Variants in NFIA observed in about 807,000 individuals in gnomAD.
NFIA encodes the protein nuclear factor I A.
NFIA carries 8 observed loss-of-function variants against 62.8 expected under a neutral mutation model. That is an observed-to-expected ratio of 0.13 (90% CI 0.07 to 0.23). NFIA has a LOEUF of 0.23. NFIA is among the 10% of genes least tolerant of loss of function. The probability of loss-of-function intolerance (pLI) is 1.00; values close to 1 mark genes in which losing one functional copy is unlikely to be tolerated. For synonymous variants in NFIA, 235 were observed against 238.1 expected, an observed-to-expected ratio of 0.99 and a Z score of 0.12; for missense variants, 410 against 642.1, an observed-to-expected ratio of 0.64 and a Z score of 3.91.
intron 2 of NFIA, among the ~76,000 whole-genome samples, chr1:61,228,926 G>C (rs1367764845): frequency 6.6e-6 from 1 of 151,836 alleles, no homozygotes; most frequent in Non-Finnish European, 1.5e-5. Context: ...CAATAATCCT[G>C]AACAAAGAAA....
chr1:61,241,359 T>G (rs1655338237), intron 2 of NFIA, among the ~76,000 whole-genome samples: 2 of 152,172 alleles, frequency 1.3e-5, no homozygotes, highest in Admixed American at 1.3e-4. Flanking sequence ...GTGCAATGTA[T>G]TTAAGTTAAG....
At chr1:61,326,969 G>A (rs2100380266) in intron 3 of NFIA, among the ~76,000 whole-genome samples, 1 of 151,650 alleles carries the variant, frequency 6.6e-6, no homozygotes, top group African/African-American at 2.4e-5. Context: ...ATGGAAAGGA[G>A]TTAGTACTGT....
chr1:61,239,748 CAAT>C (rs946026571), intron 2 of NFIA, among the ~76,000 whole-genome samples: 4 of 151,996 alleles, frequency 2.6e-5, no homozygotes, highest in African/African-American at 7.2e-5. Context: ...AATATTTGAA[CAAT>C]AATATTTAAG....
In NFIA at chr1:61,382,252, G is replaced by A. The variant is rs566680691; in HGVS notation, c.947-985G>A. Among the ~76,000 whole-genome samples, 5 of 152,192 alleles carry A rather than the reference G, an allele frequency of 3.3e-5. No individual in the cohort carries two copies. In the South Asian group the frequency reaches 6.2e-4, roughly 19 times the overall value. On this transcript the variant is annotated intron_variant, in intron 6 of 10. Coordinates refer to ENST00000403491, the MANE Select transcript of NFIA (RefSeq NM_001134673.4). ...AGTTGGGTATGTCAGCGTGGTTGCC[G>A]AGAACATTACAAATCCAGTAATTAC...
At chr1:61,398,443 C>T (rs1367740722) in intron 7 of NFIA, among the ~76,000 whole-genome samples, 1 of 151,980 alleles carries the variant, frequency 6.6e-6, no homozygotes, top group Non-Finnish European at 1.5e-5. Flanking sequence ...TTAGAAAATC[C>T]CCTGAATTCA....
In NFIA at chr1:61,404,328, A is replaced by C. The variant is rs143540716; in HGVS notation, c.1254+46A>C. The C allele has an allele frequency of 3.1e-3, 4,707 of 1,524,496 alleles. 18 individuals carry two copies. The highest frequency in any genetic ancestry group is 8.6e-3 in the Middle Eastern group (49 of 5,700). The allele number at this position is 1,524,496 out of a possible 1,614,324, so 94.4% of individuals were successfully genotyped here. ...CCATTTCTTTAGAAATGTTAGCCGA[A>C]TATAAAAATAACAAGGGGAGACCTT... On this transcript the variant is annotated intron_variant, in intron 8 of 10. Coordinates refer to ENST00000403491, the MANE Select transcript of NFIA (RefSeq NM_001134673.4).
intron 2 of NFIA, among the ~76,000 whole-genome samples, chr1:61,131,865 TG>T (rs1355695727): frequency 3.9e-5 from 6 of 152,204 alleles, no homozygotes; most frequent in Non-Finnish European, 8.8e-5. Context: ...GGGAAAGCTC[TG>T]TTACTGTTAA....
chr1:61,137,695 A>G (rs895462980), intron 2 of NFIA, among the ~76,000 whole-genome samples: 1 of 152,152 alleles, frequency 6.6e-6, no homozygotes, highest in Non-Finnish European at 1.5e-5. Context: ...AACCTGCACT[A>G]AAGACCTCTG....
At chr1:61,099,031 C>A (rs746575191) in intron 2 of NFIA, among the ~76,000 whole-genome samples, 1 of 152,104 alleles carries the variant, frequency 6.6e-6, no homozygotes, top group African/African-American at 2.4e-5. Context: ...TGCCCCTGGC[C>A]CCAGAAAAGA....
chr1:61,399,180 A>G (rs1353951752), intron 7 of NFIA, among the ~76,000 whole-genome samples: 1 of 152,190 alleles, frequency 6.6e-6, no homozygotes, highest in Non-Finnish European at 1.5e-5. Context: ...TAACAGAGAA[A>G]AACTGTTTGG....
At chr1:61,422,822 A>G (rs1298851598) in intron 9 of NFIA, among the ~76,000 whole-genome samples, 1 of 151,250 alleles carries the variant, frequency 6.6e-6, no homozygotes. Flanking sequence ...CCTCATGTCC[A>G]TGTACCCCAC....
At chr1:61,171,573 G>A (rs1570309872) in intron 2 of NFIA, among the ~76,000 whole-genome samples, 1 of 152,192 alleles carries the variant, frequency 6.6e-6, no homozygotes, top group East Asian at 1.9e-4. Context: ...GAGAAGAGGA[G>A]AAGTTTCCTT....
chr1:61,262,903 A>T (rs942209698), intron 2 of NFIA, among the ~76,000 whole-genome samples: 1 of 152,172 alleles, frequency 6.6e-6, no homozygotes, highest in East Asian at 1.9e-4. Context: ...GTGTTGTTCC[A>T]TCCATCCCCA....
At chr1:61,346,675 C>T (rs1662244202) in intron 4 of NFIA, among the ~76,000 whole-genome samples, 1 of 152,148 alleles carries the variant, frequency 6.6e-6, no homozygotes, top group African/African-American at 2.4e-5. Flanking sequence ...ACACTTGCAT[C>T]AATCTTCTGA....
At chr1:61,443,488 A>G (rs1667675128) in intron 10 of NFIA, among the ~76,000 whole-genome samples, 1 of 152,126 alleles carries the variant, frequency 6.6e-6, no homozygotes, top group Non-Finnish European at 1.5e-5. Context: ...TTACTCTTGA[A>G]CTATTTATCT....
At chr1:61,086,478 TTCTC>T (rs1001203059) in intron 1 of NFIA, among the ~76,000 whole-genome samples, 7 of 152,136 alleles carry the variant, frequency 4.6e-5, no homozygotes, top group African/African-American at 1.7e-4. Flanking sequence ...TTTTTTTCTA[TTCTC>T]TCTCTACTTA....
At chr1:61,245,297 T>C (rs1476497004) in intron 2 of NFIA, among the ~76,000 whole-genome samples, 1 of 152,168 alleles carries the variant, frequency 6.6e-6, no homozygotes, top group East Asian at 1.9e-4. Context: ...GTTAACTCTT[T>C]AAACATCGTA....
chr1:61,454,280 A>G (rs1313883154), intron 10 of NFIA, among the ~76,000 whole-genome samples: 2 of 152,262 alleles, frequency 1.3e-5, no homozygotes, highest in Non-Finnish European at 2.9e-5. Context: ...GGCAAAAGCC[A>G]CATACTTTTT....
chr1:61,406,832 G>C (rs1453005200), intron 9 of NFIA, 105 bp downstream of exon 9: 1 of 1,260,562 alleles, frequency 7.9e-7, no homozygotes, highest in African/African-American at 1.5e-5. Context: ...AAGAGGCACA[G>C]ATCCCCAGTG....
Sources: allele counts gnomAD v4.1 joint callset (sites outside exome capture counted in the v4.1 genomes callset), GRCh38; gene constraint gnomAD v4.1.1; transcripts MANE v1.5; gene names NCBI Gene and HGNC (gene_info 2026-07-23, HGNC 2026-07-21).